The following HIVEP3 variants were observed in gnomAD, a reference collection of about 807,000 sequenced individuals.
HIVEP3 encodes the protein HIVEP zinc finger 3, also known as transcription factor HIVEP3.
A neutral mutation model predicts 152.8 loss-of-function variants in HIVEP3; 49 were observed. That is an observed-to-expected ratio of 0.32 (90% CI 0.26 to 0.41). HIVEP3 has a LOEUF of 0.41. Among genes scored for constraint, HIVEP3 ranks in the 10% least tolerant of loss-of-function variants. The pLI, the probability that HIVEP3 is intolerant of heterozygous loss-of-function variation, is 1.00. For missense variants in HIVEP3, 2,790 were observed against 3,103.3 expected (o/e 0.90, Z 2.40); for synonymous variants, 1,269 against 1,289.0 (o/e 0.98, Z 0.33).
chr1:41,758,542 T>G (rs1041776906), intron 1 of HIVEP3, among the ~76,000 whole-genome samples: 7 of 152,212 alleles, frequency 4.6e-5, no homozygotes, highest in Non-Finnish European at 1.0e-4. Flanking sequence ...AAATATAGAT[T>G]TCCGACCTTG....
intron 3 of HIVEP3, among the ~76,000 whole-genome samples, chr1:41,604,471 G>A (rs1644789843): frequency 2.6e-5 from 4 of 152,212 alleles, no homozygotes; most frequent in Admixed American, 2.6e-4. Flanking sequence ...CACAATTCAG[G>A]TATTGTCAAC....
chr1:41,733,658 T>G (rs1646875410), intron 1 of HIVEP3, among the ~76,000 whole-genome samples: 1 of 152,232 alleles, frequency 6.6e-6, no homozygotes. Flanking sequence ...GAGGGTCCAC[T>G]GTGGCTGAGT....
intron 1 of HIVEP3, among the ~76,000 whole-genome samples, chr1:41,797,778 G>A (rs1203201419): frequency 6.6e-6 from 1 of 152,102 alleles, no homozygotes; most frequent in African/African-American, 2.4e-5. Flanking sequence ...CATAAGGTCA[G>A]GAGATCAAGA....
chr1:42,017,014 C>G (rs1267667128), intron 1 of HIVEP3, among the ~76,000 whole-genome samples: 2 of 151,904 alleles, frequency 1.3e-5, no homozygotes, highest in East Asian at 3.9e-4. Context: ...ATGAGAGTAC[C>G]CTTTCACCAA....
upstream of HIVEP3, among the ~76,000 whole-genome samples, chr1:41,922,846 G>T (rs1644948405): frequency 6.6e-6 from 1 of 151,840 alleles, no homozygotes; most frequent in South Asian, 2.1e-4. Flanking sequence ...AGGAAGGGAA[G>T]AGAGAGATAA....
At chr1:42,000,215 A>T (rs933526417) in intron 1 of HIVEP3, among the ~76,000 whole-genome samples, 3 of 152,180 alleles carry the variant, frequency 2.0e-5, no homozygotes, top group African/African-American at 7.2e-5. Context: ...TCCATATCCC[A>T]GGAAAGGTAG....
chr1:41,981,716 A>G (rs1485960967), intron 1 of HIVEP3, among the ~76,000 whole-genome samples: 1 of 152,242 alleles, frequency 6.6e-6, no homozygotes, highest in Non-Finnish European at 1.5e-5. Context: ...TGTTATATAT[A>G]TAAACAGCTT....
intron 1 of HIVEP3, among the ~76,000 whole-genome samples, chr1:41,887,881 T>C (rs1272059154): frequency 6.6e-6 from 1 of 152,070 alleles, no homozygotes; most frequent in East Asian, 1.9e-4. Flanking sequence ...TTAATAAAAA[T>C]GAAATGAAAT....
At chr1:41,672,955 C>T (rs894274449) in intron 2 of HIVEP3, among the ~76,000 whole-genome samples, 5 of 152,182 alleles carry the variant, frequency 3.3e-5, no homozygotes, top group African/African-American at 4.8e-5. Flanking sequence ...CCTGACGTTA[C>T]GTATGGTTTT....
chr1:41,541,642 A>G (rs910372046), intron 5 of HIVEP3, among the ~76,000 whole-genome samples: 3 of 152,132 alleles, frequency 2.0e-5, no homozygotes, highest in African/African-American at 7.2e-5. Flanking sequence ...CATGCTCTCC[A>G]GGTCCACCTT....
At chr1:41,728,855 G>A (rs777508753) in intron 1 of HIVEP3, among the ~76,000 whole-genome samples, 1 of 152,212 alleles carries the variant, frequency 6.6e-6, no homozygotes, top group Non-Finnish European at 1.5e-5. Context: ...AGAAGGCACA[G>A]GCTAGGGTCC....
At chr1:41,981,512 G>C (rs1557548587) in intron 1 of HIVEP3, among the ~76,000 whole-genome samples, 2 of 152,238 alleles carry the variant, frequency 1.3e-5, no homozygotes, top group East Asian at 3.9e-4. Flanking sequence ...CTCAAGGCCT[G>C]CCACGTCTTC....
At chr1:41,631,404 C>G (rs12034676) in intron 2 of HIVEP3, among the ~76,000 whole-genome samples, 1 of 152,188 alleles carries the variant, frequency 6.6e-6, no homozygotes, top group Non-Finnish European at 1.5e-5. Flanking sequence ...GCACGGCCCA[C>G]GTAACTGCTC....
chr1:42,009,774 T>C (rs756794237), intron 1 of HIVEP3, among the ~76,000 whole-genome samples: 6 of 152,216 alleles, frequency 3.9e-5, no homozygotes, highest in Non-Finnish European at 7.3e-5. Flanking sequence ...TTCCATTATT[T>C]CTTCATTTCT....
intron 5 of HIVEP3, among the ~76,000 whole-genome samples, chr1:41,559,613 G>A (rs546948736): frequency 8.5e-5 from 13 of 152,296 alleles, no homozygotes; most frequent in Admixed American, 7.2e-4. Context: ...AGACAGCCAT[G>A]GAAGGATGGC....
intron 1 of HIVEP3, among the ~76,000 whole-genome samples, chr1:41,938,690 A>C (rs1257356438): frequency 1.3e-5 from 2 of 152,222 alleles, no homozygotes; most frequent in African/African-American, 4.8e-5. Flanking sequence ...CTGCAGTTCA[A>C]ATGCATTTCT....
At chr1:41,927,209 T>G (rs1644972549) in intron 1 of HIVEP3, among the ~76,000 whole-genome samples, 1 of 152,178 alleles carries the variant, frequency 6.6e-6, no homozygotes, top group Non-Finnish European at 1.5e-5. Flanking sequence ...TCTGGTGAGA[T>G]CCTCCTTTGG....
intron 3 of HIVEP3, among the ~76,000 whole-genome samples, chr1:41,593,916 G>A (rs1365041212): frequency 6.6e-6 from 1 of 152,154 alleles, no homozygotes; most frequent in South Asian, 2.1e-4. Flanking sequence ...CTTCTAGAGG[G>A]TACCTGAATT....
chr1:41,850,586 C>G (rs1275953796), intron 1 of HIVEP3, among the ~76,000 whole-genome samples: 2 of 152,170 alleles, frequency 1.3e-5, no homozygotes, highest in African/African-American at 4.8e-5. Flanking sequence ...TCACAAGGCT[C>G]AAGAGTCTGC....
Sources: allele counts gnomAD v4.1 joint callset (sites outside exome capture counted in the v4.1 genomes callset), GRCh38; gene constraint gnomAD v4.1.1; transcripts MANE v1.5; gene names NCBI Gene and HGNC (gene_info 2026-07-23, HGNC 2026-07-21).